Variants in PRKG1 observed in about 807,000 individuals in gnomAD.
PRKG1 encodes protein kinase cGMP-dependent 1.
A neutral mutation model predicts 88.1 loss-of-function variants in PRKG1; 35 were observed. That is an observed-to-expected ratio of 0.40 (90% CI 0.30 to 0.53). PRKG1 has a LOEUF of 0.53. Ranked by LOEUF, PRKG1 falls within the 20% of genes least tolerant of loss-of-function variation. PRKG1 has a pLI of 0.59. For synonymous variants in PRKG1, 303 were observed against 292.5 expected (o/e 1.04, Z -0.37); for missense variants, 540 against 839.8 (o/e 0.64, Z 4.41).
chr10:51,766,173 C>T (rs1838157134), intron 3 of PRKG1, among the ~76,000 whole-genome samples: 1 of 152,120 alleles, frequency 6.6e-6, no homozygotes, highest in Non-Finnish European at 1.5e-5. Flanking sequence ...AAAAAGAAAG[C>T]TCCCCACTGC....
At chr10:51,816,875 T>G (rs1330524495) in intron 4 of PRKG1, among the ~76,000 whole-genome samples, 1 of 152,158 alleles carries the variant, frequency 6.6e-6, no homozygotes, top group African/African-American at 2.4e-5. Flanking sequence ...ATTCCAGGTT[T>G]GGAAAAAACT....
At chr10:51,150,538 T>C (rs1169624303) in intron 1 of PRKG1, among the ~76,000 whole-genome samples, 1 of 152,164 alleles carries the variant, frequency 6.6e-6, no homozygotes, top group Non-Finnish European at 1.5e-5. Flanking sequence ...GGTATCTATC[T>C]TGCTGCGAGA....
At chr10:52,014,953 G>T (rs1054751105) in intron 5 of PRKG1, among the ~76,000 whole-genome samples, 1 of 152,240 alleles carries the variant, frequency 6.6e-6, no homozygotes, top group African/African-American at 2.4e-5. Flanking sequence ...GCTCTTCAGG[G>T]TACAGCCCCC....
chr10:51,395,225 T>A (rs1158026621), intron 2 of PRKG1, among the ~76,000 whole-genome samples: 1 of 152,218 alleles, frequency 6.6e-6, no homozygotes, highest in Non-Finnish European at 1.5e-5. Flanking sequence ...TTTGCAAGTC[T>A]CTGCATAACC....
intron 3 of PRKG1, among the ~76,000 whole-genome samples, chr10:51,747,829 G>A (rs12265783): frequency 0.076 from 11,592 of 152,138 alleles, 487 homozygotes; most frequent in East Asian, 0.088. Context: ...GAGTGCAGTG[G>A]CGCAATCTTG....
chr10:51,913,314 G>T (rs141628529), intron 5 of PRKG1, among the ~76,000 whole-genome samples: 3 of 152,174 alleles, frequency 2.0e-5, no homozygotes, highest in Non-Finnish European at 4.4e-5. Flanking sequence ...AATGGATCTT[G>T]TCACCCAGGT....
At chr10:51,656,631 C>T (rs1445583080) in intron 3 of PRKG1, among the ~76,000 whole-genome samples, 1 of 152,024 alleles carries the variant, frequency 6.6e-6, no homozygotes, top group Non-Finnish European at 1.5e-5. Flanking sequence ...GTTCATTTGC[C>T]TACTCTCTCT....
chr10:51,076,240 C>A (rs1843949130), intron 1 of PRKG1, among the ~76,000 whole-genome samples: 1 of 152,080 alleles, frequency 6.6e-6, no homozygotes, highest in African/African-American at 2.4e-5. Context: ...TTGTATTCTG[C>A]GAGGGAGTTG....
intron 6 of PRKG1, among the ~76,000 whole-genome samples, chr10:52,055,558 A>C (rs1386123716): frequency 6.6e-6 from 1 of 152,172 alleles, no homozygotes; most frequent in Non-Finnish European, 1.5e-5. Context: ...ATGCTATACT[A>C]TTGTATTACT....
chr10:51,136,015 C>T (rs932582834), intron 1 of PRKG1, among the ~76,000 whole-genome samples: 17 of 150,230 alleles, frequency 1.1e-4, no homozygotes, highest in Non-Finnish European at 2.4e-4. Flanking sequence ...ATACCTAATG[C>T]TAAATGACGA....
At chr10:51,488,858 C>T (rs922461484) in intron 3 of PRKG1, among the ~76,000 whole-genome samples, 5 of 152,210 alleles carry the variant, frequency 3.3e-5, no homozygotes, top group Admixed American at 1.3e-4. Context: ...ACTATTCATC[C>T]GTTTCAGGTT....
chr10:51,025,455 C>T (rs1165773134), intron 1 of PRKG1, among the ~76,000 whole-genome samples: 2 of 145,054 alleles, frequency 1.4e-5, no homozygotes, highest in Non-Finnish European at 3.1e-5. Context: ...CTGACTCTTT[C>T]TGCTTTGGAC....
intron 1 of PRKG1, among the ~76,000 whole-genome samples, chr10:51,056,518 C>A (rs1359707192): frequency 6.6e-6 from 1 of 152,142 alleles, no homozygotes; most frequent in African/African-American, 2.4e-5. Context: ...TCCTTCTATT[C>A]CTAGTTTCAT....
At chr10:51,282,938 C>T (rs1840339639) in intron 2 of PRKG1, among the ~76,000 whole-genome samples, 1 of 152,050 alleles carries the variant, frequency 6.6e-6, no homozygotes, top group African/African-American at 2.4e-5. Flanking sequence ...GAGGTTTGGG[C>T]TGACTAAACT....
intron 5 of PRKG1, among the ~76,000 whole-genome samples, chr10:52,001,156 A>C (rs1844585352): frequency 6.6e-6 from 1 of 151,970 alleles, no homozygotes; most frequent in Non-Finnish European, 1.5e-5. Flanking sequence ...AGGTTCAACC[A>C]TGTTTTTACA....
chr10:51,283,034 C>A (rs1041200813), intron 2 of PRKG1, among the ~76,000 whole-genome samples: 3 of 151,918 alleles, frequency 2.0e-5, no homozygotes, highest in Admixed American at 6.6e-5. Flanking sequence ...AAGAGAAAAA[C>A]CAAAATCTTT....
At chr10:51,349,960 G>T (rs1842204509) in intron 2 of PRKG1, among the ~76,000 whole-genome samples, 1 of 152,144 alleles carries the variant, frequency 6.6e-6, no homozygotes, top group Admixed American at 6.5e-5. Flanking sequence ...GCAAGGGCAA[G>T]ATGCACTCAG....
intron 2 of PRKG1, among the ~76,000 whole-genome samples, chr10:51,437,593 T>C (rs1270450595): frequency 2.0e-5 from 3 of 151,940 alleles, no homozygotes; most frequent in Non-Finnish European, 4.4e-5. Flanking sequence ...AGTAGATAAT[T>C]TCTAGCAACT....
intron 3 of PRKG1, among the ~76,000 whole-genome samples, chr10:51,492,566 T>G (rs1840734029): frequency 6.6e-6 from 1 of 152,138 alleles, no homozygotes; most frequent in African/African-American, 2.4e-5. Context: ...GTAAATACAG[T>G]CTTTTGTAAT....
Sources: allele counts gnomAD v4.1 joint callset (sites outside exome capture counted in the v4.1 genomes callset), GRCh38; gene constraint gnomAD v4.1.1; transcripts MANE v1.5; gene names NCBI Gene and HGNC (gene_info 2026-07-23, HGNC 2026-07-21).